The following COL25A1 variants were observed in gnomAD, a reference collection of about 807,000 sequenced individuals.
COL25A1 encodes the protein collagen type XXV alpha 1 chain.
Under a neutral mutation model 128.4 loss-of-function variants are expected in COL25A1, and 103 were observed. The observed-to-expected ratio is 0.80, with a 90% CI of 0.68 to 0.94. The LOEUF is 0.94. COL25A1 is among the 40% of genes least tolerant of loss of function. The pLI, the probability that COL25A1 is intolerant of heterozygous loss-of-function variation, is 0.00. For missense variants in COL25A1, 745 were observed against 840.0 expected, an observed-to-expected ratio of 0.89 and a Z score of 1.40; for synonymous variants, 279 against 277.2, an observed-to-expected ratio of 1.01 and a Z score of -0.06.
At chr4:109,281,615 G>A (rs572956196) in intron 3 of COL25A1, among the ~76,000 whole-genome samples, 59 of 152,218 alleles carry the variant, frequency 3.9e-4, no homozygotes, top group African/African-American at 1.4e-3. Flanking sequence ...CTGGATATGA[G>A]CTGGTTGTGA....
chr4:109,171,089 T>C (rs1305778897), intron 3 of COL25A1, among the ~76,000 whole-genome samples: 1 of 152,120 alleles, frequency 6.6e-6, no homozygotes, highest in African/African-American at 2.4e-5. Flanking sequence ...CAAGACCTGT[T>C]ATCCATTGAA....
intron 8 of COL25A1, among the ~76,000 whole-genome samples, chr4:108,948,282 A>G (rs575417161): frequency 6.6e-6 from 1 of 152,332 alleles, no homozygotes; most frequent in East Asian, 1.9e-4. Context: ...AGAAAAATCA[A>G]CTATATAAAG....
intron 5 of COL25A1, among the ~76,000 whole-genome samples, chr4:109,031,367 C>T (rs1310613459): frequency 3.9e-5 from 6 of 152,124 alleles, no homozygotes; most frequent in South Asian, 2.1e-4. Context: ...CCGCCCGCCT[C>T]GGCCTCCCAA....
chr4:108,849,907 T>C (rs1444253918), intron 26 of COL25A1, among the ~76,000 whole-genome samples: 1 of 152,194 alleles, frequency 6.6e-6, no homozygotes, highest in East Asian at 1.9e-4. Flanking sequence ...AAGGAAGGCA[T>C]GATCTTGTGG....
intron 3 of COL25A1, among the ~76,000 whole-genome samples, chr4:109,238,621 T>C (rs1779624349): frequency 6.6e-6 from 1 of 152,056 alleles, no homozygotes; most frequent in Admixed American, 6.6e-5. Flanking sequence ...GTTTTGTGCT[T>C]GTTCGTTTAC....
chr4:109,224,921 C>G (rs543633925), intron 3 of COL25A1, among the ~76,000 whole-genome samples: 1 of 152,166 alleles, frequency 6.6e-6, no homozygotes. Context: ...GCCTGGGCAA[C>G]AAGAGTGAAA....
chr4:108,917,112 G>T (rs1744965189), intron 13 of COL25A1, among the ~76,000 whole-genome samples: 1 of 152,144 alleles, frequency 6.6e-6, no homozygotes, highest in Non-Finnish European at 1.5e-5. Flanking sequence ...TTACAGATGA[G>T]AAACTGAGGC....
At chr4:109,294,562 C>G (rs958410285) in intron 3 of COL25A1, among the ~76,000 whole-genome samples, 1 of 152,062 alleles carries the variant, frequency 6.6e-6, no homozygotes, top group Non-Finnish European at 1.5e-5. Flanking sequence ...GTGCGTTAAA[C>G]CACCACATGG....
At chr4:109,178,270 C>A (rs1774279936) in intron 3 of COL25A1, among the ~76,000 whole-genome samples, 1 of 152,166 alleles carries the variant, frequency 6.6e-6, no homozygotes, top group South Asian at 2.1e-4. Flanking sequence ...AAAACATTTT[C>A]AACTACGTTG....
intron 3 of COL25A1, among the ~76,000 whole-genome samples, chr4:109,119,368 GA>G (rs1213371215): frequency 6.6e-6 from 1 of 151,832 alleles, no homozygotes; most frequent in Non-Finnish European, 1.5e-5. Context: ...AGAAAGTAAA[GA>G]AATAAGAAAT....
At chr4:109,254,646 A>G (rs1383555551) in intron 3 of COL25A1, among the ~76,000 whole-genome samples, 1 of 151,142 alleles carries the variant, frequency 6.6e-6, no homozygotes, top group Non-Finnish European at 1.5e-5. Context: ...GTCTCCAACA[A>G]TGTTTACACA....
chr4:109,251,663 C>T (rs370374463), intron 3 of COL25A1, among the ~76,000 whole-genome samples: 7 of 152,164 alleles, frequency 4.6e-5, no homozygotes, highest in African/African-American at 1.2e-4. Flanking sequence ...TTGTGTCTCC[C>T]GATAGAAGCA....
chr4:109,102,908 G>A (rs1766042924), intron 3 of COL25A1, among the ~76,000 whole-genome samples: 1 of 152,132 alleles, frequency 6.6e-6, no homozygotes, highest in Non-Finnish European at 1.5e-5. Context: ...TTGGGGGTGT[G>A]TAGACTATTT....
intron 3 of COL25A1, among the ~76,000 whole-genome samples, chr4:109,066,711 G>A (rs548204670): frequency 6.4e-4 from 98 of 152,246 alleles, no homozygotes; most frequent in Non-Finnish European, 1.2e-3. Context: ...CTCCCAGGCT[G>A]GAGTGCCATG....
chr4:108,844,591 A>AT (rs768019050), intron 29 of COL25A1, 22 bp from the exon 30 acceptor site: 1 of 1,607,026 alleles, frequency 6.2e-7, no homozygotes, highest in Non-Finnish European at 8.5e-7. Context: ...AAAAATAAAA[A>AT]TGTATTTGGT....
intron 10 of COL25A1, among the ~76,000 whole-genome samples, chr4:108,939,868 A>G (rs542559985): frequency 6.6e-6 from 1 of 152,286 alleles, no homozygotes; most frequent in South Asian, 2.1e-4. Flanking sequence ...CTACTATATC[A>G]TTGACACTTG....
chr4:109,038,162 T>C (rs1260354241), intron 5 of COL25A1, among the ~76,000 whole-genome samples: 2 of 152,152 alleles, frequency 1.3e-5, no homozygotes, highest in African/African-American at 4.8e-5. Context: ...CGGTGCCCAG[T>C]TGTTTGGACA....
chr4:109,287,311 T>A (rs1344008311), intron 3 of COL25A1, among the ~76,000 whole-genome samples: 1 of 152,154 alleles, frequency 6.6e-6, no homozygotes, highest in Non-Finnish European at 1.5e-5. Flanking sequence ...AGCCTACTTA[T>A]TTCCCTAAAC....
chr4:109,234,254 CTCT>C (rs1779333863), intron 3 of COL25A1, among the ~76,000 whole-genome samples: 1 of 152,094 alleles, frequency 6.6e-6, no homozygotes, highest in Non-Finnish European at 1.5e-5. Flanking sequence ...ATCATCTCCA[CTCT>C]TCTTTTTTCT....
Sources: gnomAD v4.1 joint callset for allele counts (sites outside exome capture counted in the v4.1 genomes callset) on GRCh38, gnomAD v4.1.1 for gene constraint, MANE v1.5 for transcripts, NCBI Gene and HGNC (gene_info 2026-07-23, HGNC 2026-07-21) for gene names.